CDH13: variants seen among roughly 807,000 people sequenced by gnomAD.
CDH13 encodes cadherin-13.
A neutral mutation model predicts 63.8 loss-of-function variants in CDH13; 24 were observed. The ratio of observed to expected loss-of-function variants is 0.38; its 90% confidence interval spans 0.27 to 0.53. CDH13 has a LOEUF of 0.53. Among genes scored for constraint, CDH13 ranks in the 20% least tolerant of loss-of-function variants. CDH13 has a pLI of 0.85. For missense variants in CDH13, 1,049 were observed against 903.1 expected, an observed-to-expected ratio of 1.16 and a Z score of -2.07; for synonymous variants, 503 against 355.3, an observed-to-expected ratio of 1.42 and a Z score of -4.67.
chr16:83,381,859 A>G (rs1156510281), intron 6 of CDH13, among the ~76,000 whole-genome samples: 3 of 152,160 alleles, frequency 2.0e-5, no homozygotes, highest in Non-Finnish European at 4.4e-5. Context: ...TGCTCCTTAT[A>G]CTTGAATTCA....
intron 11 of CDH13, among the ~76,000 whole-genome samples, chr16:83,756,905 A>G (rs913058401): frequency 3.9e-5 from 6 of 152,254 alleles, no homozygotes; most frequent in African/African-American, 7.2e-5. Context: ...GCTGTAAAAG[A>G]TTTGAACAAA....
chr16:82,982,513 C>G (rs1041795022), intron 2 of CDH13, among the ~76,000 whole-genome samples: 4 of 152,182 alleles, frequency 2.6e-5, no homozygotes, highest in Non-Finnish European at 4.4e-5. Flanking sequence ...GGCTTAGGGA[C>G]TATTCCTCCA....
intron 3 of CDH13, among the ~76,000 whole-genome samples, chr16:83,081,671 G>A (rs773243749): frequency 6.6e-6 from 1 of 151,972 alleles, no homozygotes; most frequent in Non-Finnish European, 1.5e-5. Context: ...CCTTTTCATT[G>A]TAAACTCACA....
intron 6 of CDH13, among the ~76,000 whole-genome samples, chr16:83,391,982 A>C (rs1597906668): frequency 6.6e-6 from 1 of 152,064 alleles, no homozygotes; most frequent in South Asian, 2.1e-4. Flanking sequence ...ATGTGGGGCA[A>C]CTCTATGTAG....
intron 1 of CDH13, among the ~76,000 whole-genome samples, chr16:82,663,179 T>TTTTGTTTG (rs796138785): frequency 6.6e-6 from 1 of 151,976 alleles, no homozygotes; most frequent in Non-Finnish European, 1.5e-5. Context: ...CCACTAGGTT[T>TTTTGTTTG]TTTGTTTGTT....
Position 83,706,019 on chromosome 16 carries a change from G to A in CDH13, c.1538+27558G>A, listed in dbSNP as rs1208715862. Among the ~76,000 whole-genome samples the A allele has an allele frequency of 4.6e-5, 7 of 152,204 alleles. No homozygotes were observed. In the East Asian group the frequency reaches 1.3e-3, roughly 29 times the overall value. On this transcript the variant is annotated intron_variant, in intron 10 of 13. Transcript: ENST00000567109. Reference sequence around the variant, plus strand: ...ACAACATCGTTTTCGTGTCTCTGTGGTTTTAATGGCTCAGGAATGTGAGCA... The same window carrying A: ...ACAACATCGTTTTCGTGTCTCTGTGATTTTAATGGCTCAGGAATGTGAGCA...
intron 5 of CDH13, among the ~76,000 whole-genome samples, chr16:83,274,663 T>C (rs1273591944): frequency 1.3e-5 from 2 of 152,118 alleles, no homozygotes; most frequent in Non-Finnish European, 1.5e-5. Context: ...AAGCTAATGA[T>C]TTTATAAATT....
chr16:83,105,015 T>A (rs2034694781), intron 3 of CDH13, among the ~76,000 whole-genome samples: 1 of 152,316 alleles, frequency 6.6e-6, no homozygotes, highest in Non-Finnish European at 1.5e-5. Flanking sequence ...TTCCTTTTTT[T>A]AACTTTTAAG....
In CDH13 at chr16:83,100,097, A is replaced by C. The variant is rs185598283; in HGVS notation, c.367-25288A>C. Among the ~76,000 whole-genome samples, 474 of 152,280 alleles carry C rather than the reference A, an allele frequency of 3.1e-3. 1 individual carries two copies. Among genetic ancestry groups the C allele is most frequent in the Non-Finnish European group, 5.1e-3 (350 of 68,026 alleles). The stretch of plus-strand genomic sequence containing the variant: ...TTAGACTTTTCAACTAGATTAACTC[A>C]TCACTCATTCAATTCGTGTGCTGTC... On this transcript the variant is annotated intron_variant, in intron 3 of 13. Coordinates refer to ENST00000567109, the MANE Select transcript of CDH13 (RefSeq NM_001257.5).
chr16:83,225,478 A>G (rs1324509476), intron 5 of CDH13, among the ~76,000 whole-genome samples: 3 of 152,146 alleles, frequency 2.0e-5, no homozygotes, highest in East Asian at 1.9e-4. Context: ...GTTAAATGCC[A>G]TGTTACTGCG....
chr16:83,108,984 C>G (rs554062910), intron 3 of CDH13, among the ~76,000 whole-genome samples: 2 of 152,186 alleles, frequency 1.3e-5, no homozygotes, highest in African/African-American at 4.8e-5. Flanking sequence ...CTTCCTCATT[C>G]TCCTGCCCAC....
chr16:83,573,648 A>G (rs1904846728), intron 7 of CDH13, among the ~76,000 whole-genome samples: 1 of 152,200 alleles, frequency 6.6e-6, no homozygotes, highest in Non-Finnish European at 1.5e-5. Flanking sequence ...ACATTCCTAA[A>G]ATTTTTAAAA....
intron 1 of CDH13, among the ~76,000 whole-genome samples, chr16:82,807,472 A>G (rs1351482284): frequency 6.6e-6 from 1 of 152,194 alleles, no homozygotes; most frequent in Non-Finnish European, 1.5e-5. Flanking sequence ...GGGAAGGGTC[A>G]GAGGTTCACA....
At chr16:83,542,685 T>C (rs1222613924) in intron 7 of CDH13, among the ~76,000 whole-genome samples, 1 of 152,228 alleles carries the variant, frequency 6.6e-6, no homozygotes, top group Non-Finnish European at 1.5e-5. Context: ...CCAGCAACCC[T>C]TGGAGCTCTT....
At chr16:83,515,694 T>C (rs1567728891) in intron 7 of CDH13, among the ~76,000 whole-genome samples, 1 of 152,254 alleles carries the variant, frequency 6.6e-6, no homozygotes, top group Non-Finnish European at 1.5e-5. Context: ...TCAAGTTTTT[T>C]ATAAGCAGGA....
chr16:83,643,708 A>T (rs934777124), intron 8 of CDH13, among the ~76,000 whole-genome samples: 4 of 152,208 alleles, frequency 2.6e-5, no homozygotes, highest in African/African-American at 9.6e-5. Context: ...AGAAGCAGTC[A>T]GGAGAATGGG....
At chr16:83,782,080 T>G (rs1330544950) in intron 12 of CDH13, among the ~76,000 whole-genome samples, 2 of 152,232 alleles carry the variant, frequency 1.3e-5, no homozygotes, top group Non-Finnish European at 2.9e-5. Context: ...ATGCTTCATG[T>G]ATTTTTATTT....
At chr16:82,897,447 G>A in intron 2 of CDH13, among the ~76,000 whole-genome samples, 1 of 152,200 alleles carries the variant, frequency 6.6e-6, no homozygotes, top group South Asian at 2.1e-4. Flanking sequence ...TCTTCCTCCA[G>A]GTTTTCTGCC....
At chr16:83,777,720 C>T (rs1024476561) in intron 11 of CDH13, among the ~76,000 whole-genome samples, 3 of 152,212 alleles carry the variant, frequency 2.0e-5, no homozygotes, top group Admixed American at 6.5e-5. Flanking sequence ...GACTTGCCTG[C>T]GTCCTGTATG....
Sources: gnomAD v4.1 joint callset for allele counts (sites outside exome capture counted in the v4.1 genomes callset) on GRCh38, gnomAD v4.1.1 for gene constraint, MANE v1.5 for transcripts, NCBI Gene and HGNC (gene_info 2026-07-23, HGNC 2026-07-21) for gene names.